Variants in OR4N2 observed in about 807,000 individuals in gnomAD.
OR4N2 encodes olfactory receptor family 4 subfamily N member 2.
For synonymous variants in OR4N2, 141 were observed against 140.4 expected (o/e 1.00, Z -0.03); for missense variants, 307 against 377.6 (o/e 0.81, Z 1.55).
At chr14:19,808,598 T>G (rs1003375420) in intron 1 of OR4N2, among the ~76,000 whole-genome samples, 1 of 152,154 alleles carries the variant, frequency 6.6e-6, no homozygotes, top group African/African-American at 2.4e-5. Context: ...GGAAAAAAAT[T>G]CCATACTAAT....
chr14:19,828,830 G>A lies in OR4N2; in HGVS notation c.*458G>A. 2 of 164,274 alleles carry A rather than the reference G, an allele frequency of 1.2e-5. No homozygotes were observed. Among genetic ancestry groups the A allele is most frequent in the Admixed American group, 5.8e-5 (1 of 17,314 alleles). 10.2% of individuals were successfully genotyped at this position (164,274 alleles called of 1,614,324 possible). A position where few individuals can be genotyped will look rare whatever the true frequency, so the allele number is the denominator to read the frequency against. On this transcript the variant is annotated 3_prime_UTR_variant, in exon 2 of 2. Transcript: ENST00000557677. ...AAAACTCAAAGATGATGATGAACTT[G>A]GTATATTTGAAGAATACAATAAAGT...
chr14:19,820,510 C>T (rs1276012820), intron 1 of OR4N2, among the ~76,000 whole-genome samples: 4 of 152,250 alleles, frequency 2.6e-5, no homozygotes, highest in African/African-American at 9.6e-5. Context: ...ACATTTAAGT[C>T]TGCTGAAGCT....
intron 1 of OR4N2, among the ~76,000 whole-genome samples, chr14:19,812,951 A>G (rs1342573205): frequency 6.6e-6 from 1 of 152,262 alleles, no homozygotes; most frequent in East Asian, 1.9e-4. Context: ...AATACCAGTA[A>G]TACTTTTCAT....
rs528918601 is a variant in OR4N2 at position 19,811,581 on chromosome 14, G to A, written c.-10+7737G>A. Among the ~76,000 whole-genome samples the A allele has an allele frequency of 1.2e-4, 18 of 152,362 alleles. No individual in the cohort carries two copies. In the South Asian group the frequency reaches 2.9e-3, roughly 25 times the overall value. On this transcript the variant is annotated intron_variant, in intron 1 of 1. Transcript: ENST00000557677. ...TTTTAAAACAAAGTATTAGCAATCC[G>A]AACATGACAATACATAAAAAGTTGT...
chr14:19,828,027 T>A lies in OR4N2; in HGVS notation c.579T>A (p.Phe193Leu), dbSNP rs1879764837. 1 of 1,614,250 alleles carries A rather than the reference T, an allele frequency of 6.2e-7. No homozygotes were observed. The highest frequency in any genetic ancestry group is 8.5e-7 in the Non-Finnish European group (1 of 1,180,046). ...QVIKLACTDT[F>L]VVELLMVFNS... is the part of the protein sequence containing the mutation. ...TCAAGCTGGCCTGCACCGACACATT[T>A]GTGGTGGAGCTTCTGATGGTCTTCA... is the stretch of plus-strand genomic sequence containing the variant. Residue 193 changes from phenylalanine to leucine, a missense_variant, in exon 2 of 2, where the codon TTT (phenylalanine) becomes TTA (leucine). Transcript: ENST00000557677.
intron 1 of OR4N2, among the ~76,000 whole-genome samples, chr14:19,824,820 C>T (rs190372312): frequency 2.2e-4 from 33 of 152,318 alleles, no homozygotes; most frequent in Non-Finnish European, 3.8e-4. Flanking sequence ...ATACATAAAA[C>T]ATAAAAATAT....
intron 1 of OR4N2, among the ~76,000 whole-genome samples, chr14:19,805,763 T>C (rs1276467898): frequency 6.6e-6 from 1 of 152,102 alleles, no homozygotes; most frequent in East Asian, 1.9e-4. Context: ...TCGTACGAGA[T>C]GTACAAGGCA....
rs1879801886 is a variant in OR4N2, at chr14:19,829,062, A to G, written c.*690A>G. The G allele has an allele frequency of 6.6e-6, 1 of 152,284 alleles. No homozygotes were observed. Among genetic ancestry groups the G allele is most frequent in the South Asian group, 2.1e-4 (1 of 4,838 alleles). 9.4% of individuals were successfully genotyped at this position (152,284 alleles called of 1,614,324 possible). A position where few individuals can be genotyped will look rare whatever the true frequency, so the allele number is the denominator to read the frequency against. On this transcript the variant is annotated 3_prime_UTR_variant, in exon 2 of 2. Transcript: ENST00000557677. ...CTTAGCACTGTAAACTCAAGATTCT[A>G]TGCGGATATCAAAGACTTGAAAAAT...
chr14:19,826,581 A>T (rs868405770), intron 1 of OR4N2, among the ~76,000 whole-genome samples: 2 of 152,278 alleles, frequency 1.3e-5, no homozygotes, highest in Admixed American at 1.3e-4. Flanking sequence ...CTATGACTTT[A>T]TGAGTTGAGA....
At chr14:19,822,687 C>A (rs1365962513) in intron 1 of OR4N2, among the ~76,000 whole-genome samples, 1 of 152,238 alleles carries the variant, frequency 6.6e-6, no homozygotes, top group Non-Finnish European at 1.5e-5. Context: ...AGCATTCTGT[C>A]CATTCAATAT....
Position 19,827,973 on chromosome 14 carries a change from C to T in OR4N2, c.525C>T (p.Asp175=). ...RLPFCGPNQL[D]NFFCDVPQVI... is the part of the protein sequence containing the mutation. ...CTTTTTGTGGCCCAAACCAGCTGGA[C>T]AACTTCTTCTGTGATGTCCCACAGG... Residue 175 remains aspartate, a synonymous_variant, in exon 2 of 2, where the codon GAC becomes GAT. Coordinates refer to ENST00000557677, the MANE Select transcript of OR4N2 (RefSeq NM_001004723.3). 1 of 1,614,236 alleles carries T rather than the reference C, an allele frequency of 6.2e-7. No homozygotes were observed. The highest frequency in any genetic ancestry group is 8.5e-7 in the Non-Finnish European group (1 of 1,180,050).
rs374714836 is a variant in OR4N2 at position 19,827,733 on chromosome 14, A to C, written c.285A>C (p.Arg95Ser). 12 of 1,614,136 alleles carry C rather than the reference A, an allele frequency of 7.4e-6. No individual in the cohort carries two copies. Among genetic ancestry groups the C allele is most frequent in the African/African-American group, 1.3e-5 (1 of 74,938 alleles). ...FLSAKKIISYRGCITQLFFLH... is the reference protein window; with the variant it reads ...FLSAKKIISYSGCITQLFFLH... Reference sequence around the variant, plus strand: ...CTGCGAAGAAGATAATCTCCTACAGAGGCTGCATCACTCAGCTCTTTTTCT... The same window carrying C: ...CTGCGAAGAAGATAATCTCCTACAGCGGCTGCATCACTCAGCTCTTTTTCT... The change falls in exon 2 of 2, where the codon AGA becomes AGC. Residue 95 changes from arginine (R) to serine (S), a missense_variant. Coordinates refer to ENST00000557677, the MANE Select transcript of OR4N2 (RefSeq NM_001004723.3).
At chr14:19,821,498 CT>C (rs1412077435) in intron 1 of OR4N2, among the ~76,000 whole-genome samples, 1 of 152,200 alleles carries the variant, frequency 6.6e-6, no homozygotes, top group Non-Finnish European at 1.5e-5. Flanking sequence ...CCCCTGCTTG[CT>C]TTCGTGGTAC....
At chr14:19,816,523 G>A (rs866626545) in intron 1 of OR4N2, among the ~76,000 whole-genome samples, 1 of 152,238 alleles carries the variant, frequency 6.6e-6, no homozygotes, top group East Asian at 1.9e-4. Context: ...AGGAATGTTT[G>A]TAATTTTTGC....
intron 1 of OR4N2, among the ~76,000 whole-genome samples, chr14:19,810,216 GC>G (rs1388993142): frequency 1.3e-5 from 2 of 152,302 alleles, no homozygotes; most frequent in East Asian, 3.9e-4. Flanking sequence ...AGACCTACAT[GC>G]AGCCAAGAAG....
At chr14:19,810,128 CTACAAGGAACT>C (rs1322900677) in intron 1 of OR4N2, among the ~76,000 whole-genome samples, 1 of 152,222 alleles carries the variant, frequency 6.6e-6, no homozygotes, top group African/African-American at 2.4e-5. Context: ...TATCCAGAAT[CTACAAGGAACT>C]TAAATTATCG....
intron 1 of OR4N2, among the ~76,000 whole-genome samples, chr14:19,806,685 C>T (rs1284841554): frequency 6.6e-6 from 1 of 152,148 alleles, no homozygotes; most frequent in Non-Finnish European, 1.5e-5. Flanking sequence ...AAATTCTGGA[C>T]TTAAATTTGA....
chr14:19,825,524 C>CATTTATTTATTTATTT (rs746872467), intron 1 of OR4N2, among the ~76,000 whole-genome samples: 1 of 149,626 alleles, frequency 6.7e-6, no homozygotes, highest in African/African-American at 2.5e-5. Flanking sequence ...TGTGCTAGAG[C>CATTTATTTATTTATTT]ACTTATTTAT....
chr14:19,828,120 C>T lies in OR4N2; in HGVS notation c.672C>T (p.Arg224=). The change falls in exon 2 of 2, where the codon CGC becomes CGT. Residue 224 remains arginine, a synonymous_variant. Coordinates refer to ENST00000557677, the MANE Select transcript of OR4N2 (RefSeq NM_001004723.3). ...LLASYAVILC[R]IRGSSSEAKN... ...CCTCCTATGCAGTCATTCTTTGTCG[C>T]ATACGAGGGTCTTCTTCTGAGGCAA... 6.2e-7 allele frequency: 1 copy of T among 1,614,238 alleles called. No homozygotes were observed. The highest frequency in any genetic ancestry group is 1.7e-5 in the Admixed American group (1 of 60,034).
Sources: allele counts gnomAD v4.1 joint callset (sites outside exome capture counted in the v4.1 genomes callset), GRCh38; gene constraint gnomAD v4.1.1; transcripts MANE v1.5; gene names NCBI Gene and HGNC (gene_info 2026-07-23, HGNC 2026-07-21).